PDE1A: variants seen among roughly 807,000 people sequenced by gnomAD.
PDE1A encodes the protein phosphodiesterase 1A.
Under a neutral mutation model 61.7 loss-of-function variants are expected in PDE1A, and 35 were observed. That is an observed-to-expected ratio of 0.57 (90% confidence interval 0.43 to 0.75). The LOEUF (loss-of-function observed/expected upper bound fraction) is 0.75, where lower values mean the gene tolerates loss of function less well. Ranked by LOEUF, PDE1A falls within the 30% of genes least tolerant of loss-of-function variation. The probability of loss-of-function intolerance (pLI) is 0.00; values close to 1 mark genes in which losing one functional copy is unlikely to be tolerated. For synonymous variants in PDE1A, 232 were observed against 213.2 expected (o/e 1.09, Z -0.77); for missense variants, 597 against 630.6 (o/e 0.95, Z 0.57).
downstream of PDE1A, among the ~76,000 whole-genome samples, chr2:182,167,583 A>T (rs1691720283): frequency 1.3e-5 from 2 of 152,088 alleles, no homozygotes; most frequent in Admixed American, 1.3e-4. Flanking sequence ...AGACTCTGTG[A>T]GGCATAAAAA....
At chr2:182,689,465 G>T in the PDE1A span, among the ~76,000 whole-genome samples, 1 of 152,122 alleles carries the variant, frequency 6.6e-6, no homozygotes, top group African/African-American at 2.4e-5. Flanking sequence ...AAATAAAAAT[G>T]TTCTTTGAAA....
At chr2:182,559,223 T>G in the PDE1A span, among the ~76,000 whole-genome samples, 2 of 152,072 alleles carry the variant, frequency 1.3e-5, no homozygotes, top group Admixed American at 1.3e-4. Context: ...CAAAGTTAAC[T>G]TTGAAAAGAA....
At chr2:182,666,407 C>T in the PDE1A span, among the ~76,000 whole-genome samples, 5 of 152,090 alleles carry the variant, frequency 3.3e-5, no homozygotes, top group South Asian at 6.2e-4. Flanking sequence ...TACCTGAGAT[C>T]AGGAGTTCGA....
the PDE1A span, among the ~76,000 whole-genome samples, chr2:182,663,281 C>T: frequency 6.6e-6 from 1 of 151,898 alleles, no homozygotes; most frequent in African/African-American, 2.4e-5. Flanking sequence ...GGCAATTCCT[C>T]AAAGACAGAA....
chr2:182,635,747 G>A, the PDE1A span, among the ~76,000 whole-genome samples: 1 of 151,120 alleles, frequency 6.6e-6, no homozygotes, highest in African/African-American at 2.4e-5. Flanking sequence ...TCCTTCATAT[G>A]GGAGGTGAGT....
At chr2:182,427,221 C>T (rs542276028), upstream of PDE1A, among the ~76,000 whole-genome samples, 2 of 152,136 alleles carry the variant, frequency 1.3e-5, no homozygotes, top group Non-Finnish European at 2.9e-5. Context: ...GCTGGCTCTG[C>T]TTCAGATTAT....
intron 1 of PDE1A, among the ~76,000 whole-genome samples, chr2:182,423,196 A>G (rs1203160713): frequency 6.6e-6 from 1 of 152,226 alleles, no homozygotes; most frequent in Non-Finnish European, 1.5e-5. Flanking sequence ...TTGACATGAT[A>G]TGAAAATATA....
chr2:182,309,924 A>G (rs1248751193), intron 1 of PDE1A, among the ~76,000 whole-genome samples: 1 of 152,176 alleles, frequency 6.6e-6, no homozygotes, highest in Non-Finnish European at 1.5e-5. Flanking sequence ...GTAATTTAAA[A>G]AGAGAGAGGA....
intron 7 of PDE1A, among the ~76,000 whole-genome samples, chr2:182,213,991 G>GA (rs1427000443): frequency 7.4e-6 from 1 of 135,734 alleles, no homozygotes; most frequent in Admixed American, 7.7e-5. Flanking sequence ...TTGAAATGAA[G>GA]AAAAAAATGT....
rs188094257 is a variant in PDE1A at position 182,463,720 on chromosome 2, A to T, written c.101+58556T>A. 1.8e-4 allele frequency: 27 copies of T among 151,206 alleles called. No individual in the cohort carries two copies. The East Asian group carries it at 5.1e-3, about 28-fold the overall frequency. 9.4% of individuals were successfully genotyped at this position (151,206 alleles called of 1,614,324 possible). A position where few individuals can be genotyped will look rare whatever the true frequency, so the allele number is the denominator to read the frequency against. On this transcript the variant is annotated intron_variant, in intron 2 of 14. Transcript: ENST00000410103. ...AAAATTTTATGTTTTGTTAATATTG[A>T]TTAACAAAACTATAAAAGATAATTG...
intron 2 of PDE1A, 81 bp from the exon 3 acceptor site, chr2:182,240,373 G>C: frequency 1.2e-6 from 1 of 814,982 alleles, no homozygotes; most frequent in Non-Finnish European, 1.8e-6. Context: ...ATTGCAATGG[G>C]ATTTAAAATA....
intron 3 of PDE1A, among the ~76,000 whole-genome samples, chr2:182,238,266 C>CAAAAAAAAAAAAAAAA (rs3063250): frequency 9.2e-5 from 9 of 98,040 alleles, no homozygotes; most frequent in African/African-American, 2.6e-4. Flanking sequence ...CAGACTACGT[C>CAAAAAAAAAAAAAAAA]AAAAAAAAAA....
intron 1 of PDE1A, among the ~76,000 whole-genome samples, chr2:182,382,535 G>A (rs1700795879): frequency 6.6e-6 from 1 of 152,122 alleles, no homozygotes; most frequent in Admixed American, 6.5e-5. Flanking sequence ...TCATTCTTGT[G>A]ATATTCCATA....
chr2:182,671,621 CTTTTT>C, the PDE1A span, among the ~76,000 whole-genome samples: 2 of 124,308 alleles, frequency 1.6e-5, no homozygotes, highest in Admixed American at 1.7e-4. Flanking sequence ...CTTTCTTTTT[CTTTTT>C]TTTTTTTTTT....
At chr2:182,568,516 G>A in the PDE1A span, among the ~76,000 whole-genome samples, 4 of 152,006 alleles carry the variant, frequency 2.6e-5, no homozygotes, top group East Asian at 1.9e-4. Flanking sequence ...AATACAGAAA[G>A]TTAGCCAGGC....
chr2:182,317,797 AAT>A (rs1292802861), intron 1 of PDE1A, among the ~76,000 whole-genome samples: 1 of 152,116 alleles, frequency 6.6e-6, no homozygotes, highest in African/African-American at 2.4e-5. Flanking sequence ...TGGGAAAATA[AAT>A]AGACATGAGA....
chr2:182,686,187 C>T, the PDE1A span, among the ~76,000 whole-genome samples: 1 of 151,882 alleles, frequency 6.6e-6, no homozygotes, highest in East Asian at 1.9e-4. Context: ...CAAATATATA[C>T]AACAATAACA....
At chr2:182,264,974 G>A (rs564131983) in intron 1 of PDE1A, among the ~76,000 whole-genome samples, 1 of 150,344 alleles carries the variant, frequency 6.7e-6, no homozygotes, top group African/African-American at 2.4e-5. Flanking sequence ...GATGGGGCTG[G>A]AGGCCATTAT....
chr2:182,627,337 TATATAATATATAAA>T, the PDE1A span, among the ~76,000 whole-genome samples: 104 of 107,202 alleles, frequency 9.7e-4, 1 homozygote, highest in South Asian at 0.014. Flanking sequence ...TATAAATTTA[TATATAATATATAAA>T]ATATAATATA....
Sources: allele counts gnomAD v4.1 joint callset (sites outside exome capture counted in the v4.1 genomes callset), GRCh38; gene constraint gnomAD v4.1.1; transcripts MANE v1.5; gene names NCBI Gene and HGNC (gene_info 2026-07-23, HGNC 2026-07-21).